Variants in ZFHX3 observed in about 807,000 individuals in gnomAD.
ZFHX3 encodes zinc finger homeobox 3, also known as zinc finger homeobox protein 3.
A neutral mutation model predicts 279.1 loss-of-function variants in ZFHX3; 42 were observed. That is an observed-to-expected ratio of 0.15 (90% CI 0.12 to 0.19). ZFHX3 has a LOEUF of 0.19. Among genes scored for constraint, ZFHX3 ranks in the 10% least tolerant of loss-of-function variants. The pLI, the probability that ZFHX3 is intolerant of heterozygous loss-of-function variation, is 1.00. For missense variants in ZFHX3, 4,981 were observed against 4,754.0 expected (o/e 1.05, Z -1.40); for synonymous variants, 2,293 against 1,957.8 (o/e 1.17, Z -4.52).
chr16:73,174,783 C>T lies in ZFHX3; in HGVS notation c.-1103-30952G>A, dbSNP rs192692719. 1.9e-3 allele frequency among the ~76,000 whole-genome samples: 289 copies of T among 149,924 alleles called. 1 individual carries two copies. Among genetic ancestry groups the T allele is most frequent in the African/African-American group, 6.9e-3 (280 of 40,508 alleles). ...CTATAATCCTAGCATTCTGGGAGGC[C>T]GAGGTGGGTGGATCACTTGAGGTCA... On this transcript the variant is annotated intron_variant, in intron 5 of 17. Transcript: ENST00000641206.
chr16:73,524,066 T>A (rs745748705), intron 2 of ZFHX3, among the ~76,000 whole-genome samples: 6 of 152,176 alleles, frequency 3.9e-5, no homozygotes, highest in Non-Finnish European at 5.9e-5. Context: ...AGTAAGGGGT[T>A]GGCATGAATG....
At chr16:73,455,165 C>T (rs1007981393) in intron 3 of ZFHX3, among the ~76,000 whole-genome samples, 9 of 152,152 alleles carry the variant, frequency 5.9e-5, no homozygotes, top group Admixed American at 5.2e-4. Flanking sequence ...CTACACAGAC[C>T]TGGTTTTCAT....
chr16:73,309,638 T>C (rs1205596596), intron 4 of ZFHX3, among the ~76,000 whole-genome samples: 2 of 151,876 alleles, frequency 1.3e-5, no homozygotes, highest in African/African-American at 4.8e-5. Flanking sequence ...AGCAGAGGAG[T>C]ATTATAATGG....
chr16:73,228,857 C>T (rs543350916), intron 5 of ZFHX3, among the ~76,000 whole-genome samples: 2 of 152,168 alleles, frequency 1.3e-5, no homozygotes, highest in Admixed American at 6.5e-5. Context: ...ACAGAGTAAG[C>T]GTAATAAACA....
At chr16:73,172,248 G>A (rs1442001207) in intron 5 of ZFHX3, among the ~76,000 whole-genome samples, 1 of 152,220 alleles carries the variant, frequency 6.6e-6, no homozygotes, top group African/African-American at 2.4e-5. Flanking sequence ...GGCGAGGCCC[G>A]GCCTTGTCTC....
intron 2 of ZFHX3, among the ~76,000 whole-genome samples, chr16:73,630,117 T>A (rs1192637223): frequency 4.6e-5 from 7 of 152,010 alleles, no homozygotes; most frequent in Admixed American, 2.6e-4. Context: ...AAAAAAAAAA[T>A]TCCAGAGGTT....
At chr16:73,662,643 A>G (rs1567545483) in intron 2 of ZFHX3, among the ~76,000 whole-genome samples, 1 of 152,208 alleles carries the variant, frequency 6.6e-6, no homozygotes, top group Admixed American at 6.5e-5. Flanking sequence ...ACTATAAAAG[A>G]TGGGAATATG....
chr16:73,359,549 A>G (rs9923643), intron 3 of ZFHX3, among the ~76,000 whole-genome samples: 121,105 of 152,112 alleles, frequency 0.8, 49,602 homozygotes, highest in Non-Finnish European at 0.91. Context: ...GAGAGGTGCC[A>G]TGTTCTTAGG....
intron 3 of ZFHX3, among the ~76,000 whole-genome samples, chr16:73,366,437 A>C (rs1358688343): frequency 6.6e-6 from 1 of 152,142 alleles, no homozygotes; most frequent in Admixed American, 6.5e-5. Flanking sequence ...ATAGATGAAA[A>C]GAGAAAGACA....
intron 7 of ZFHX3, among the ~76,000 whole-genome samples, chr16:73,126,179 G>T (rs1419445720): frequency 1.3e-5 from 2 of 152,140 alleles, no homozygotes; most frequent in African/African-American, 4.8e-5. Context: ...ATTCTGGGAG[G>T]CTCTGGGAAG....
intron 2 of ZFHX3, among the ~76,000 whole-genome samples, chr16:73,578,955 G>A (rs75712908): frequency 0.069 from 10,428 of 152,150 alleles, 837 homozygotes; most frequent in African/African-American, 0.17. Flanking sequence ...ACGAGTTCAG[G>A]CTGTGATGAG....
At chr16:72,978,503 C>G (rs140573724) in intron 1 of ZFHX3, among the ~76,000 whole-genome samples, 10 of 152,130 alleles carry the variant, frequency 6.6e-5, no homozygotes, top group Admixed American at 2.0e-4. Flanking sequence ...CCCCTTCCCC[C>G]ACTCCCTGAC....
rs531308421 is a variant in ZFHX3 at position 73,726,678 on chromosome 16, C to A, written c.-1607-46438G>T. ...TGGCAGAAGGCAAAGCAGGAGCTGG[C>A]CCATCACACGCAACAGCGGGAGCAC... On this transcript the variant is annotated intron_variant, in intron 1 of 17. Transcript: ENST00000641206. Among the ~76,000 whole-genome samples, 65 of 152,238 alleles carry A rather than the reference C, an allele frequency of 4.3e-4. 1 individual carries two copies. The highest frequency in any genetic ancestry group is 1.4e-3 in the African/African-American group (57 of 41,534).
rs140776660 is a variant in ZFHX3, at chr16:73,303,440, G to A, written c.-1194+14800C>T. Among the ~76,000 whole-genome samples, 77 of 152,192 alleles carry A rather than the reference G, an allele frequency of 5.1e-4. 1 individual carries two copies. The East Asian group carries it at 0.013, about 25-fold the overall frequency. On this transcript the variant is annotated intron_variant, in intron 4 of 17. Transcript: ENST00000641206. The stretch of plus-strand genomic sequence containing the variant: ...TCCTACTTCCTATGATTCACATTCC[G>A]GAGGCTGATCTTACAATTGACATGG...
chr16:72,927,233 T>A (rs1028283596), intron 3 of ZFHX3, among the ~76,000 whole-genome samples: 15 of 152,314 alleles, frequency 9.8e-5, no homozygotes, highest in Admixed American at 8.5e-4. Context: ...TAGTAAAAAA[T>A]TTTTATTTAA....
intron 1 of ZFHX3, among the ~76,000 whole-genome samples, chr16:73,858,598 C>G (rs2142387457): frequency 6.6e-6 from 1 of 152,324 alleles, no homozygotes; most frequent in East Asian, 1.9e-4. Context: ...AGCCAGTGTT[C>G]ACAGTGTCTT....
At position 72,796,563 on chromosome 16, in the gene ZFHX3, G is replaced by A. The variant is rs2035915743; in HGVS notation, c.6119C>T (p.Pro2040Leu). 2 of 1,612,092 alleles carry A rather than the reference G, an allele frequency of 1.2e-6. No individual in the cohort carries two copies. Among genetic ancestry groups the A allele is most frequent in the Admixed American group, 1.7e-5 (1 of 59,956 alleles). ...YPLRPQTPEP[P>L]PPPPPPPPPP... ...TGGAGGGGGTGGAGGGGGAGGTGGT[G>A]GTGGCTCTGGGGTCTGGGGCCTCAG... is the stretch of plus-strand genomic sequence containing the variant. Residue 2040 changes from proline (P) to leucine (L), a missense_variant, in exon 9 of 10, where the codon CCA (proline) becomes CTA (leucine). Physicochemically the swap from Pro to Leu is moderately conservative, Grantham distance 98 (BLOSUM62 -3). Transcript: ENST00000268489.
intron 2 of ZFHX3, among the ~76,000 whole-genome samples, chr16:73,534,851 C>G (rs2143735669): frequency 6.6e-6 from 1 of 152,066 alleles, no homozygotes; most frequent in South Asian, 2.1e-4. Context: ...CATAAGGAAA[C>G]CTTTAGATTT....
At chr16:73,335,513 T>G (rs2015895441) in intron 3 of ZFHX3, among the ~76,000 whole-genome samples, 1 of 152,206 alleles carries the variant, frequency 6.6e-6, no homozygotes, top group Non-Finnish European at 1.5e-5. Flanking sequence ...CATCCACGGC[T>G]TTATAGTTAA....
Sources: allele counts gnomAD v4.1 joint callset (sites outside exome capture counted in the v4.1 genomes callset), GRCh38; gene constraint gnomAD v4.1.1; transcripts MANE v1.5; gene names NCBI Gene and HGNC (gene_info 2026-07-23, HGNC 2026-07-21).